Variants in IL1RAPL1 observed in about 807,000 individuals in gnomAD.
IL1RAPL1 encodes the protein interleukin-1 receptor accessory protein-like 1.
In IL1RAPL1, 3 loss-of-function variants were observed where a neutral mutation model predicts 48.4. The observed-to-expected ratio is 0.06, with a 90% CI of 0.03 to 0.16. IL1RAPL1 has a LOEUF of 0.16. IL1RAPL1 is among the 10% of genes least tolerant of loss of function. The pLI is 1.00. For missense variants in IL1RAPL1, 349 were observed against 530.6 expected, an observed-to-expected ratio of 0.66 and a Z score of 3.36; for synonymous variants, 185 against 187.7, an observed-to-expected ratio of 0.99 and a Z score of 0.12.
At chrX:29,194,805 A>T (rs1328391844) in intron 2 of IL1RAPL1, among the ~76,000 whole-genome samples, 1 of 111,218 alleles carries the variant, frequency 9.0e-6, no homozygotes, top group Non-Finnish European at 1.9e-5. Flanking sequence ...TTTTTCTCAC[A>T]TGCCCCACAG....
chrX:29,591,331 T>C (rs143195150), intron 5 of IL1RAPL1, among the ~76,000 whole-genome samples: 545 of 112,523 alleles, frequency 4.8e-3, no homozygotes, highest in Middle Eastern at 9.2e-3. Flanking sequence ...TCAGTGCACA[T>C]GATGTGGCAA....
At chrX:28,965,499 G>C (rs781206715) in intron 2 of IL1RAPL1, among the ~76,000 whole-genome samples, 1 of 111,726 alleles carries the variant, frequency 9.0e-6, no homozygotes, top group South Asian at 3.7e-4. Flanking sequence ...TTACCTAGTA[G>C]AGAAAATAAA....
intron 2 of IL1RAPL1, among the ~76,000 whole-genome samples, chrX:28,915,905 G>GA (rs1055461198): frequency 6.6e-5 from 7 of 106,419 alleles, no homozygotes; most frequent in African/African-American, 2.1e-4. Context: ...TAGTGAAAAA[G>GA]AAAAAACAAA....
chrX:29,775,301 G>A (rs1929168477), intron 6 of IL1RAPL1, among the ~76,000 whole-genome samples: 1 of 111,574 alleles, frequency 9.0e-6, no homozygotes, highest in African/African-American at 3.3e-5. Context: ...GTTATTAGAG[G>A]AGCAAAGAAG....
intron 9 of IL1RAPL1, among the ~76,000 whole-genome samples, chrX:29,948,837 A>AC (rs947608639): frequency 2.0e-5 from 2 of 98,469 alleles, no homozygotes; most frequent in African/African-American, 7.8e-5. Context: ...TTGAGAACAA[A>AC]AAAAAAAAGA....
At chrX:28,969,830 TATATATGTTTCTAAAC>T (rs201308793) in intron 2 of IL1RAPL1, among the ~76,000 whole-genome samples, 15,676 of 88,792 alleles carry the variant, frequency 0.18, 1,832 homozygotes, top group Admixed American at 0.26. Flanking sequence ...TTTAGAAACA[TATATATGTTTCTAAAC>T]ATATATGTTT....
At chrX:29,281,510 C>T (rs997640066) in intron 2 of IL1RAPL1, among the ~76,000 whole-genome samples, 3 of 111,024 alleles carry the variant, frequency 2.7e-5, no homozygotes, top group African/African-American at 9.8e-5. Flanking sequence ...CCCCATCCTC[C>T]GCATTTCCCA....
intron 2 of IL1RAPL1, among the ~76,000 whole-genome samples, chrX:29,214,448 C>T (rs1476464159): frequency 2.7e-5 from 3 of 111,222 alleles, no homozygotes; most frequent in Admixed American, 1.9e-4. Context: ...TTGGCAAATA[C>T]TGCTAATTGT....
intron 6 of IL1RAPL1, among the ~76,000 whole-genome samples, chrX:29,766,261 G>T (rs1480807656): frequency 2.0e-5 from 2 of 97,896 alleles, no homozygotes; most frequent in African/African-American, 3.8e-5. Flanking sequence ...CCAGGAGGCG[G>T]AGGTTGCAGT....
chrX:29,907,933 T>C (rs1932673547), intron 6 of IL1RAPL1, among the ~76,000 whole-genome samples: 3 of 111,731 alleles, frequency 2.7e-5, no homozygotes, highest in African/African-American at 9.7e-5. Flanking sequence ...GATTTCTAAA[T>C]ATCATAGACC....
chrX:28,769,480 C>T (rs1466351581), intron 1 of IL1RAPL1, among the ~76,000 whole-genome samples: 4 of 111,358 alleles, frequency 3.6e-5, no homozygotes, highest in Non-Finnish European at 7.5e-5. Flanking sequence ...ATATTGGAGA[C>T]AGCTATCTAA....
intron 5 of IL1RAPL1, among the ~76,000 whole-genome samples, chrX:29,483,976 A>G (rs183136143): frequency 4.4e-4 from 46 of 103,413 alleles, no homozygotes; most frequent in Admixed American, 1.2e-3. Context: ...TGCAGGCGTG[A>G]GCCACTGCAC....
intron 2 of IL1RAPL1, among the ~76,000 whole-genome samples, chrX:29,041,431 C>G (rs1926843729): frequency 8.9e-6 from 1 of 111,962 alleles, no homozygotes; most frequent in Non-Finnish European, 1.9e-5. Flanking sequence ...GATATCCTGC[C>G]TCTAAGGAGC....
intron 3 of IL1RAPL1, among the ~76,000 whole-genome samples, chrX:29,390,277 G>C (rs1014328819): frequency 1.8e-5 from 2 of 110,819 alleles, no homozygotes; most frequent in African/African-American, 6.6e-5. Flanking sequence ...TGAACCTTCA[G>C]ATCTGCTGCC....
intron 6 of IL1RAPL1, among the ~76,000 whole-genome samples, chrX:29,803,439 CTATG>C (rs1183255631): frequency 9.1e-5 from 8 of 87,927 alleles, no homozygotes; most frequent in African/African-American, 2.5e-4. Flanking sequence ...ATGTATACAT[CTATG>C]TATATATGTG....
intron 9 of IL1RAPL1, 69 bp downstream of exon 9, chrX:29,941,863 G>A: frequency 9.6e-7 from 1 of 1,037,493 alleles, no homozygotes; most frequent in African/African-American, 1.9e-5. Context: ...GTTTTATTAA[G>A]GGGAAAAAAA....
chrX:28,929,636 G>T (rs1044735705), intron 2 of IL1RAPL1, among the ~76,000 whole-genome samples: 2 of 112,139 alleles, frequency 1.8e-5, no homozygotes, highest in African/African-American at 6.5e-5. Context: ...GAACCCATCA[G>T]GAATTTAATC....
At chrX:29,080,960 CTT>C (rs1569232681) in intron 2 of IL1RAPL1, among the ~76,000 whole-genome samples, 6 of 40,266 alleles carry the variant, frequency 1.5e-4, no homozygotes, top group African/African-American at 7.3e-4. Context: ...TTCTTTCTTT[CTT>C]TCTTTCTTTC....
chrX:29,617,440 T>C lies in IL1RAPL1; in HGVS notation c.704-50990T>C, dbSNP rs1351853894. Among the ~76,000 whole-genome samples, 5 of 112,266 alleles carry C rather than the reference T, an allele frequency of 4.5e-5. No individual in the cohort carries two copies. The East Asian group carries it at 1.1e-3, about 25-fold the overall frequency. ...GTGCAGGGCTAGATGCAGAGTCCTC[T>C]GGGAACAGAAAGGAAGCACAGTCCT... is the stretch of plus-strand genomic sequence containing the variant. On this transcript the variant is annotated intron_variant, in intron 5 of 10. Transcript: ENST00000378993.
Sources: allele counts gnomAD v4.1 joint callset (sites outside exome capture counted in the v4.1 genomes callset), GRCh38; gene constraint gnomAD v4.1.1; transcripts MANE v1.5; gene names NCBI Gene and HGNC (gene_info 2026-07-23, HGNC 2026-07-21).